SYNDIG1: variants seen among roughly 807,000 people sequenced by gnomAD.
SYNDIG1 encodes the protein synapse differentiation inducing 1.
SYNDIG1 carries 9 observed loss-of-function variants against 19.4 expected under a neutral mutation model. That is an observed-to-expected ratio of 0.46 (90% CI 0.28 to 0.81). The LOEUF (loss-of-function observed/expected upper bound fraction) is 0.81. Among genes scored for constraint, SYNDIG1 ranks in the 30% least tolerant of loss-of-function variants. SYNDIG1 has a pLI of 0.12. For synonymous variants in SYNDIG1, 141 were observed against 145.9 expected (o/e 0.97, Z 0.24); for missense variants, 311 against 343.3 (o/e 0.91, Z 0.74).
intron 2 of SYNDIG1, among the ~76,000 whole-genome samples, chr20:24,565,125 A>G (rs2058021430): frequency 6.6e-6 from 1 of 152,210 alleles, no homozygotes. Flanking sequence ...GTAGGCAAAA[A>G]GTAAGCCAGC....
intron 1 of SYNDIG1, among the ~76,000 whole-genome samples, chr20:24,507,407 A>G (rs2056619726): frequency 6.6e-6 from 1 of 152,230 alleles, no homozygotes; most frequent in Non-Finnish European, 1.5e-5. Flanking sequence ...ATAAGACTCA[A>G]TACCAATTTG....
rs75219606 is a variant in SYNDIG1 at position 24,587,226 on chromosome 20, C to T, written c.618+2233C>T. 3.3e-3 allele frequency among the ~76,000 whole-genome samples: 510 copies of T among 152,264 alleles called. 2 individuals carry two copies. Among genetic ancestry groups the T allele is most frequent in the African/African-American group, 0.012 (486 of 41,542 alleles). The stretch of plus-strand genomic sequence containing the variant: ...GGGCGTAGAGAGGAGCTCTCAGGGC[C>T]GCTGGCTGCAGCCTCCCTTTTCAGT... On this transcript the variant is annotated intron_variant, in intron 3 of 3. Transcript: ENST00000376862.
intron 1 of SYNDIG1, among the ~76,000 whole-genome samples, chr20:24,483,179 C>T (rs762464820): frequency 6.6e-6 from 1 of 152,152 alleles, no homozygotes. Context: ...GTCAAGCATG[C>T]AGTGCACGTT....
intron 2 of SYNDIG1, among the ~76,000 whole-genome samples, chr20:24,549,810 A>C (rs1225425216): frequency 6.6e-6 from 1 of 152,140 alleles, no homozygotes; most frequent in African/African-American, 2.4e-5. Flanking sequence ...TTTCAGTGGG[A>C]TGGATGTGGA....
chr20:24,541,192 C>T (rs1229901807), intron 1 of SYNDIG1, among the ~76,000 whole-genome samples: 2 of 152,188 alleles, frequency 1.3e-5, no homozygotes, highest in Non-Finnish European at 1.5e-5. Context: ...GGCTGAATCT[C>T]TGGCCTCGTG....
chr20:24,627,193 G>A (rs1412117057), intron 3 of SYNDIG1, among the ~76,000 whole-genome samples: 2 of 151,798 alleles, frequency 1.3e-5, no homozygotes, highest in East Asian at 1.9e-4. Flanking sequence ...GAGCTGCCTG[G>A]GACATTGAAA....
At chr20:24,535,734 A>G (rs911168362) in intron 1 of SYNDIG1, among the ~76,000 whole-genome samples, 3 of 152,346 alleles carry the variant, frequency 2.0e-5, no homozygotes, top group Middle Eastern at 3.4e-3. Context: ...GTTGCTGGGC[A>G]GATGATCTCG....
chr20:24,654,650 G>GAGGGAGGAAGGAAGGA lies in SYNDIG1; in HGVS notation c.619-10693_619-10692insGAGGAAGGAAGGAAGG, dbSNP rs1374663588. Among the ~76,000 whole-genome samples the GAGGGAGGAAGGAAGGA allele has an allele frequency of 7.7e-4, 90 of 117,444 alleles. 1 individual carries two copies. Among genetic ancestry groups the GAGGGAGGAAGGAAGGA allele is most frequent in the African/African-American group, 1.5e-3 (43 of 29,416 alleles). The allele number at this position is 117,444 out of a possible 152,430, so 77.0% of individuals were successfully genotyped here. ...GGGAGGAAGGAGAGAGGGAGGGAGG[G>GAGGGAGGAAGGAAGGA]AGGAAGGAAGGAAGGAAGGAAGGAA... On this transcript the variant is annotated intron_variant, in intron 3 of 3. Transcript: ENST00000376862.
intron 1 of SYNDIG1, among the ~76,000 whole-genome samples, chr20:24,475,030 C>T (rs2055576988): frequency 6.6e-6 from 1 of 152,178 alleles, no homozygotes; most frequent in Non-Finnish European, 1.5e-5. Flanking sequence ...CCCCCATGCC[C>T]CCACTTAGAA....
intron 2 of SYNDIG1, among the ~76,000 whole-genome samples, chr20:24,560,396 C>T (rs1384297924): frequency 6.6e-6 from 1 of 151,772 alleles, no homozygotes; most frequent in Non-Finnish European, 1.5e-5. Context: ...TCTTTCTGTT[C>T]TTCAGCTTGG....
chr20:24,589,209 T>C (rs913097822), intron 3 of SYNDIG1, among the ~76,000 whole-genome samples: 2 of 152,184 alleles, frequency 1.3e-5, no homozygotes, highest in African/African-American at 4.8e-5. Flanking sequence ...GCACACACTT[T>C]ATCTTATTTA....
intron 1 of SYNDIG1, among the ~76,000 whole-genome samples, chr20:24,529,039 A>G (rs1288608416): frequency 6.7e-6 from 1 of 150,250 alleles, no homozygotes; most frequent in Non-Finnish European, 1.5e-5. Context: ...CCTCCAAAGG[A>G]AAAAAAAACA....
intron 3 of SYNDIG1, among the ~76,000 whole-genome samples, chr20:24,615,070 T>A (rs533351973): frequency 1.3e-5 from 2 of 152,366 alleles, no homozygotes; most frequent in East Asian, 3.9e-4. Flanking sequence ...TAACAGCCAA[T>A]TTGTACATGT....
At chr20:24,609,324 G>A (rs932420934) in intron 3 of SYNDIG1, among the ~76,000 whole-genome samples, 2 of 152,218 alleles carry the variant, frequency 1.3e-5, no homozygotes, top group Non-Finnish European at 2.9e-5. Context: ...GTGGAAGGCG[G>A]ATGTGGGATG....
chr20:24,650,485 A>G (rs567780692), intron 3 of SYNDIG1, among the ~76,000 whole-genome samples: 2 of 152,358 alleles, frequency 1.3e-5, no homozygotes, highest in South Asian at 4.1e-4. Context: ...ATGGAGCCAA[A>G]TGAAACAAAT....
At chr20:24,489,244 A>G (rs1169250437) in intron 1 of SYNDIG1, among the ~76,000 whole-genome samples, 1 of 152,232 alleles carries the variant, frequency 6.6e-6, no homozygotes, top group Non-Finnish European at 1.5e-5. Context: ...ATACATGCAC[A>G]CACACAGACA....
chr20:24,494,994 G>C (rs1440387147), intron 1 of SYNDIG1, among the ~76,000 whole-genome samples: 1 of 152,162 alleles, frequency 6.6e-6, no homozygotes, highest in Non-Finnish European at 1.5e-5. Flanking sequence ...ACCATGCCCT[G>C]GTCAGTTAAA....
intron 3 of SYNDIG1, among the ~76,000 whole-genome samples, chr20:24,601,693 G>A (rs2058681981): frequency 1.3e-5 from 2 of 152,104 alleles, no homozygotes; most frequent in Admixed American, 6.5e-5. Flanking sequence ...CAATGTTATT[G>A]TTTTACATTG....
At chr20:24,471,907 A>G (rs1254410955) in intron 1 of SYNDIG1, among the ~76,000 whole-genome samples, 1 of 152,210 alleles carries the variant, frequency 6.6e-6, no homozygotes, top group Non-Finnish European at 1.5e-5. Context: ...TTTGTACCCC[A>G]TAAACATACA....
Sources: gnomAD v4.1 joint callset for allele counts (sites outside exome capture counted in the v4.1 genomes callset) on GRCh38, gnomAD v4.1.1 for gene constraint, MANE v1.5 for transcripts, NCBI Gene and HGNC (gene_info 2026-07-23, HGNC 2026-07-21) for gene names.